Variants in COL5A3 observed in about 807,000 individuals in gnomAD.
COL5A3 encodes collagen alpha-3(V) chain.
A neutral mutation model predicts 250.0 loss-of-function variants in COL5A3; 172 were observed. That is an observed-to-expected ratio of 0.69 (90% CI 0.61 to 0.78). The LOEUF is 0.78. COL5A3 is among the 30% of genes least tolerant of loss of function. COL5A3 has a pLI of 0.00. For synonymous variants in COL5A3, 937 were observed against 900.4 expected (o/e 1.04, Z -0.73); for missense variants, 2,340 against 2,334.4 (o/e 1.00, Z -0.05).
chr19:9,996,433 C>A lies in COL5A3; in HGVS notation c.1422G>T (p.Gln474His). Residue 474 changes from glutamine to histidine, a missense_variant and splice_region_variant, in exon 13 of 67, where the codon CAG (glutamine) becomes CAT (histidine). This residue lies in a region of COL5A3 where 1,152 missense variants were observed against 1,146.3 expected (regional missense o/e 1.00). Coordinates refer to ENST00000264828, the MANE Select transcript of COL5A3 (RefSeq NM_015719.4). ...AQAQAVLQQT[Q>H]LSMKGPPGPV... Reference sequence around the variant, plus strand: ...CACTATGTCCACACCTCCCACTCACCTGAGTCTGCTGCAGAACTGCCTGAG... The same window carrying A: ...CACTATGTCCACACCTCCCACTCACATGAGTCTGCTGCAGAACTGCCTGAG... The A allele has an allele frequency of 1.2e-6, 2 of 1,613,858 alleles. No homozygotes were observed. The highest frequency in any genetic ancestry group is 1.7e-6 in the Non-Finnish European group (2 of 1,179,948).
chr19:10,002,211 A>G (rs2145139134), intron 6 of COL5A3, among the ~76,000 whole-genome samples: 1 of 145,962 alleles, frequency 6.9e-6, no homozygotes, highest in Admixed American at 6.9e-5. Context: ...AGCAGGCCAC[A>G]GTCAGAGAGG....
At chr19:9,972,311 G>A (rs1369881888) in intron 51 of COL5A3, among the ~76,000 whole-genome samples, 1 of 42,074 alleles carries the variant, frequency 2.4e-5, no homozygotes, top group Admixed American at 1.6e-4. Flanking sequence ...TCATTCACTC[G>A]TTCATCCATT....
chr19:9,979,394 C>T lies in COL5A3; in HGVS notation c.2736G>A (p.Pro912=), dbSNP rs199880497. The stretch of plus-strand genomic sequence containing the variant: ...GGCCTAAGACACCAGCTGGTCCAGG[C>T]GGGCCTGTCTGACCTTGGAAGCCCT... The part of the protein sequence containing the change: ...GELGFQGQTG[P]PGPAGVLGPQ... Residue 912 remains proline (P), a synonymous_variant, in exon 38 of 67, where the codon CCG becomes CCA. Coordinates refer to ENST00000264828, the MANE Select transcript of COL5A3 (RefSeq NM_015719.4). 332 of 1,614,012 alleles carry T rather than the reference C, an allele frequency of 2.1e-4. 5 individuals carry two copies. In the South Asian group the frequency reaches 2.8e-3, roughly 13 times the overall value.
At position 9,970,041 on chromosome 19, in the gene COL5A3, GTGGGGTGAATGAGGTC is replaced by G. The variant is rs1184480297; in HGVS notation, c.3937-135_3937-120del. 3,445 of 521,272 alleles carry G rather than the reference GTGGGGTGAATGAGGTC, an allele frequency of 6.6e-3. 71 individuals carry two copies. The highest frequency in any genetic ancestry group is 0.01 in the Admixed American group (373 of 36,954). 32.3% of individuals were successfully genotyped at this position (521,272 alleles called of 1,614,324 possible). ...GGGGTCTGTAAGGTGAGTGGGGTCT[GTGGGGTGAATGAGGTC>G]TGGGTGAGTGGGGGCTGTGGGTGAG... On this transcript the variant is annotated intron_variant, in intron 54 of 66. Coordinates refer to ENST00000264828, the MANE Select transcript of COL5A3 (RefSeq NM_015719.4).
At chr19:10,005,449 G>A (rs1300160328) in intron 4 of COL5A3, 109 bp downstream of exon 4, 35 of 1,144,384 alleles carry the variant, frequency 3.1e-5, no homozygotes, top group East Asian at 1.4e-4. Context: ...AGCTTCCTGG[G>A]GATAGATTGA....
At chr19:9,991,733 C>A in intron 23 of COL5A3, 55 bp downstream of exon 23, 2 of 1,598,426 alleles carry the variant, frequency 1.3e-6, no homozygotes, top group South Asian at 2.2e-5. Flanking sequence ...TGGTCACGGT[C>A]TAAGGTCTTA....
At chr19:9,991,513 A>C in intron 24 of COL5A3, 97 bp downstream of exon 24, 1 of 993,904 alleles carries the variant, frequency 1.0e-6, no homozygotes, top group Non-Finnish European at 1.5e-6. Flanking sequence ...ATCACTATCC[A>C]GAGCTAACAG....
chr19:9,993,951 G>A (rs371247023), intron 16 of COL5A3, 145 bp from the exon 17 acceptor site: 29 of 699,338 alleles, frequency 4.1e-5, no homozygotes, highest in East Asian at 1.3e-4. Flanking sequence ...GCAGTGGCAC[G>A]TTCTCAGCTC....
At chr19:9,963,360 C>G (rs1029604052) in intron 64 of COL5A3, among the ~76,000 whole-genome samples, 2 of 151,868 alleles carry the variant, frequency 1.3e-5, no homozygotes, top group African/African-American at 4.8e-5. Context: ...GTAGCTAGAA[C>G]TACAGGCATG....
At position 9,980,239 on chromosome 19, in the gene COL5A3, C is replaced by T. The variant is rs893598173; in HGVS notation, c.2605-192G>A. On this transcript the variant is annotated intron_variant, in intron 35 of 66. Coordinates refer to ENST00000264828, the MANE Select transcript of COL5A3 (RefSeq NM_015719.4). ...TTTGGGTTGGAGACTGAGGTTACTC[C>T]CATTTTACAGAGGAGAAAACTAAGG... Among the ~76,000 whole-genome samples, 4 of 152,206 alleles carry T rather than the reference C, an allele frequency of 2.6e-5. No individual in the cohort carries two copies. In the South Asian group the frequency reaches 6.2e-4, roughly 24 times the overall value.
Position 10,010,358 on chromosome 19 carries a change from G to C in COL5A3, c.28C>G (p.Pro10Ala). Residue 10 changes from proline (P) to alanine (A), a missense_variant, in exon 1 of 67, where the codon CCG becomes GCG. Physicochemically the swap from Pro to Ala is conservative, Grantham distance 27. Transcript: ENST00000264828. ...AGGAGCAGGCAGAGACCGGCCCGCG[G>C]CTGGCCCAGGTCCCGGCGGTTCCCC... is the stretch of plus-strand genomic sequence containing the variant. MGNRRDLGQ[P>A]RAGLCLLLAA... 1.4e-6 allele frequency: 2 copies of C among 1,465,568 alleles called. No individual in the cohort carries two copies. The highest frequency in any genetic ancestry group is 1.8e-6 in the Non-Finnish European group (2 of 1,104,504). 90.8% of individuals were successfully genotyped at this position (1,465,568 alleles called of 1,614,324 possible). A position where few individuals can be genotyped will look rare whatever the true frequency, so the allele number is the denominator to read the frequency against.
chr19:9,985,313 T>G (rs1372262582), intron 31 of COL5A3, among the ~76,000 whole-genome samples: 4 of 146,560 alleles, frequency 2.7e-5, no homozygotes, highest in Admixed American at 2.1e-4. Flanking sequence ...CAGGCTGGAG[T>G]GCAATGGTGC....
At chr19:10,008,970 G>C (rs1170703595) in intron 1 of COL5A3, among the ~76,000 whole-genome samples, 2 of 152,066 alleles carry the variant, frequency 1.3e-5, no homozygotes, top group Non-Finnish European at 2.9e-5. Context: ...ACCATTTGGC[G>C]GGTGGCTGAA....
chr19:9,973,728 C>T lies in COL5A3; in HGVS notation c.3612+28G>A, dbSNP rs760871476. The T allele has an allele frequency of 9.3e-6, 15 of 1,613,702 alleles. No homozygotes were observed. The African/African-American group carries it at 1.1e-4, about 11-fold the overall frequency. On this transcript the variant is annotated intron_variant, in intron 49 of 66. Transcript: ENST00000264828. Reference sequence around the variant, plus strand: ...TAGGACTAGATTTATCTCTTCCCCCCGTGCAGCCCCTGCCTTCCCTCACTC... The same window carrying T: ...TAGGACTAGATTTATCTCTTCCCCCTGTGCAGCCCCTGCCTTCCCTCACTC...
rs578004639 is a variant in COL5A3, at chr19:9,995,287, G to A, written c.1587+277C>T. On this transcript the variant is annotated intron_variant, in intron 16 of 66. Coordinates refer to ENST00000264828, the MANE Select transcript of COL5A3 (RefSeq NM_015719.4). ...TTTGTCATTTCCTTCCATGTGACAG[G>A]CCTCTTTTTTGCCGTGCTGTTTCTT... Among the ~76,000 whole-genome samples, 205 of 152,282 alleles carry A rather than the reference G, an allele frequency of 1.3e-3. 2 individuals carry two copies. The highest frequency in any genetic ancestry group is 2.4e-3 in the Non-Finnish European group (164 of 68,028).
intron 35 of COL5A3, 148 bp downstream of exon 35, chr19:9,980,500 T>C: frequency 2.6e-6 from 3 of 1,170,380 alleles, no homozygotes; most frequent in Middle Eastern, 5.7e-4. Flanking sequence ...TAGGTGGGAC[T>C]ACAGGCGTGC....
intron 57 of COL5A3, 149 bp downstream of exon 57, chr19:9,969,200 T>C (rs1460112171): frequency 1.5e-6 from 1 of 670,414 alleles, no homozygotes; most frequent in Non-Finnish European, 2.6e-6. Context: ...GGGTGGAAGG[T>C]CAGAGCAGAT....
At chr19:9,998,898 T>C (rs1266911795) in intron 8 of COL5A3, among the ~76,000 whole-genome samples, 2 of 152,138 alleles carry the variant, frequency 1.3e-5, no homozygotes, top group Non-Finnish European at 2.9e-5. Context: ...TTGGTTAGGC[T>C]GGTCTCGAAC....
intron 16 of COL5A3, among the ~76,000 whole-genome samples, chr19:9,994,762 A>C (rs150846287): frequency 6.6e-6 from 1 of 151,312 alleles, no homozygotes; most frequent in Non-Finnish European, 1.5e-5. Context: ...GTGCTCTCAG[A>C]CTACAAACCT....
Sources: gnomAD v4.1 joint callset for allele counts (sites outside exome capture counted in the v4.1 genomes callset) on GRCh38, gnomAD v4.1.1 for gene constraint, gnomAD v4.1.1 regional missense constraint, MANE v1.5 for transcripts, NCBI Gene and HGNC (gene_info 2026-07-23, HGNC 2026-07-21) for gene names.